LGI1: variants seen among roughly 807,000 people sequenced by gnomAD.
The protein encoded by LGI1 is leucine rich glioma inactivated 1.
A neutral mutation model predicts 57.7 loss-of-function variants in LGI1; 11 were observed. The observed-to-expected ratio is 0.19, with a 90% CI of 0.12 to 0.32. The LOEUF is 0.32. Ranked by LOEUF, LGI1 falls within the 10% of genes least tolerant of loss-of-function variation. LGI1 has a pLI of 1.00. For missense variants in LGI1, 422 were observed against 661.9 expected, an observed-to-expected ratio of 0.64 and a Z score of 3.98; for synonymous variants, 222 against 241.9, an observed-to-expected ratio of 0.92 and a Z score of 0.76.
rs993421984 is a variant in LGI1 at position 93,797,563 on chromosome 10, G to A, written c.1434G>A (p.Val478=). Residue 478 remains valine (V), a synonymous_variant, in exon 8 of 8, where the codon GTG becomes GTA. Coordinates refer to ENST00000371418, the MANE Select transcript of LGI1 (RefSeq NM_005097.4). This position sits in a 1 kb window ranked among gnomAD's most constrained non-coding sequence, Gnocchi z 6.5. The part of the protein sequence containing the change: ...IQRMPSRGSM[V]FQPLQINNYQ... ...GGATGCCATCGCGAGGATCCATGGT[G>A]TTCCAGCCTCTTCAAATAAATAATT... 4 of 1,614,096 alleles carry A rather than the reference G, an allele frequency of 2.5e-6. No homozygotes were observed. The Admixed American group carries it at 5.0e-5, about 20-fold the overall frequency.
chr10:93,792,013 A>C (rs1011209034), intron 5 of LGI1: 1 of 152,466 alleles, frequency 6.6e-6, no homozygotes, highest in African/African-American at 2.4e-5. Flanking sequence ...CCTTATGGTC[A>C]CTGAGCACCT....
At chr10:93,768,494 TCTC>T (rs1488735191) in intron 2 of LGI1, 1 of 152,136 alleles carries the variant, frequency 6.6e-6, no homozygotes, top group Non-Finnish European at 1.5e-5. Context: ...AGTAGACCCT[TCTC>T]CTTGATGTTC....
intron 4 of LGI1, among the ~76,000 whole-genome samples, chr10:93,782,276 G>T (rs569513010): frequency 1.3e-5 from 2 of 152,280 alleles, no homozygotes; most frequent in East Asian, 3.9e-4. Context: ...TGTGGAATTT[G>T]GGGCAGGCCA....
Position 93,797,607 on chromosome 10 carries a change from G to C in LGI1, c.1478G>C (p.Gly493Ala). The C allele has an allele frequency of 6.2e-7, 1 of 1,614,104 alleles. No individual in the cohort carries two copies. Among genetic ancestry groups the C allele is most frequent in the South Asian group, 1.1e-5 (1 of 91,086 alleles). ...AATAATTACCAATATGCAATTCTTG[G>C]AAGTGATTACTCCTTTACTCAAGTG... Reference protein sequence around the residue: ...QINNYQYAILGSDYSFTQVYN... With the variant: ...QINNYQYAILASDYSFTQVYN... Residue 493 changes from glycine to alanine, a missense_variant, in exon 8 of 8, where the codon GGA becomes GCA. Physicochemically the swap from Gly to Ala is moderately conservative, Grantham distance 60 (BLOSUM62 0). Transcript: ENST00000371418. This position sits in a 1 kb window ranked among gnomAD's most constrained non-coding sequence, Gnocchi z 6.5.
chr10:93,780,208 T>C (rs557265774), intron 4 of LGI1: 1 of 154,072 alleles, frequency 6.5e-6, no homozygotes, highest in South Asian at 2.1e-4. Context: ...CTTCCTTCCA[T>C]CCTTCATTCT....
intron 2 of LGI1, chr10:93,768,214 C>T (rs1175816115): frequency 6.6e-6 from 1 of 152,122 alleles, no homozygotes; most frequent in Non-Finnish European, 1.5e-5. Flanking sequence ...AAGACTGTTG[C>T]AGGTTTGCAG....
intron 7 of LGI1, among the ~76,000 whole-genome samples, chr10:93,795,210 G>C (rs766983263): frequency 4.9e-4 from 74 of 152,104 alleles, no homozygotes; most frequent in Non-Finnish European, 8.4e-4. Context: ...ATCTTGTCTA[G>C]GATGATGTCT....
chr10:93,796,409 G>A (rs1475630284), intron 7 of LGI1, among the ~76,000 whole-genome samples: 3 of 152,194 alleles, frequency 2.0e-5, no homozygotes, highest in Non-Finnish European at 4.4e-5. Context: ...TCCTGGAATA[G>A]CTAACTTGTC....
intron 2 of LGI1, chr10:93,763,474 C>T (rs886823017): frequency 6.6e-6 from 1 of 152,204 alleles, no homozygotes; most frequent in Non-Finnish European, 1.5e-5. Context: ...ACTGTGGTCC[C>T]AGAGAAAAAC....
intron 2 of LGI1, chr10:93,768,917 G>A (rs1416420724): frequency 6.6e-6 from 1 of 152,210 alleles, no homozygotes; most frequent in African/African-American, 2.4e-5. Context: ...AATCCAGGTT[G>A]AAGAGTTGGT....
intron 2 of LGI1, among the ~76,000 whole-genome samples, chr10:93,762,291 C>A (rs1328215001): frequency 1.3e-5 from 2 of 152,028 alleles, no homozygotes; most frequent in African/African-American, 2.4e-5. Context: ...AGGGGAATAG[C>A]GTTATTTTAA....
intron 4 of LGI1, among the ~76,000 whole-genome samples, chr10:93,778,490 C>T (rs776098456): frequency 5.1e-4 from 77 of 152,146 alleles, no homozygotes; most frequent in Non-Finnish European, 9.8e-4. Flanking sequence ...CTAACATTTA[C>T]ATCACTTTTC....
intron 4 of LGI1, among the ~76,000 whole-genome samples, chr10:93,778,022 C>T (rs2134002063): frequency 6.6e-6 from 1 of 152,174 alleles, no homozygotes; most frequent in South Asian, 2.1e-4. Flanking sequence ...CTTCATAGTA[C>T]CTGATCAACT....
chr10:93,790,414 T>A (rs2059926970), intron 5 of LGI1: 1 of 504,998 alleles, frequency 2.0e-6, no homozygotes, highest in Admixed American at 3.7e-5. Context: ...TGTGTGTCAA[T>A]ACGGCAGGGA....
At chr10:93,765,837 G>A (rs2059668679) in intron 2 of LGI1, 1 of 152,078 alleles carries the variant, frequency 6.6e-6, no homozygotes, top group African/African-American at 2.4e-5. Flanking sequence ...ATGCGTGGTG[G>A]CGGGCGCCTG....
chr10:93,789,903 G>T, intron 4 of LGI1, 196 bp from the exon 5 acceptor site: 1 of 583,350 alleles, frequency 1.7e-6, no homozygotes. Context: ...TATGGAGTGG[G>T]TGTTGAAGTG....
intron 4 of LGI1, chr10:93,789,342 T>C (rs1209159865): frequency 6.6e-6 from 1 of 152,296 alleles, no homozygotes; most frequent in Non-Finnish European, 1.5e-5. Flanking sequence ...GGGGAAGAGA[T>C]AGAGCTACTG....
At chr10:93,784,553 G>A (rs1233629828) in intron 4 of LGI1, among the ~76,000 whole-genome samples, 1 of 152,154 alleles carries the variant, frequency 6.6e-6, no homozygotes, top group Non-Finnish European at 1.5e-5. Context: ...AGTCTGACTG[G>A]CAAGGGGTCC....
chr10:93,777,753 T>C (rs921228998), intron 4 of LGI1, 136 bp downstream of exon 4: 12 of 687,332 alleles, frequency 1.7e-5, no homozygotes, highest in Non-Finnish European at 3.1e-5. Context: ...CATGCACACT[T>C]GCCATCTTTC....
Sources: allele counts gnomAD v4.1 joint callset (sites outside exome capture counted in the v4.1 genomes callset), GRCh38; gene constraint gnomAD v4.1.1; non-coding constraint Gnocchi (gnomAD v3.1); transcripts MANE v1.5; gene names NCBI Gene and HGNC (gene_info 2026-07-23, HGNC 2026-07-21).